OVCH1: variants seen among roughly 807,000 people sequenced by gnomAD.
OVCH1 encodes ovochymase-1.
A neutral mutation model predicts 138.4 loss-of-function variants in OVCH1; 139 were observed. The ratio of observed to expected loss-of-function variants is 1.00; its 90% CI spans 0.87 to 1.16. The LOEUF (loss-of-function observed/expected upper bound fraction) is 1.16, where lower values mean the gene tolerates loss of function less well. OVCH1 is among the 50% of genes most tolerant of loss of function. The pLI, the probability that OVCH1 is intolerant of heterozygous loss-of-function variation, is 0.00. For synonymous variants in OVCH1, 453 were observed against 467.8 expected (o/e 0.97, Z 0.41); for missense variants, 1,367 against 1,357.9 (o/e 1.01, Z -0.11).
At chr12:29,487,620 C>T in intron 7 of OVCH1, 73 bp downstream of exon 7, 3 of 1,375,214 alleles carry the variant, frequency 2.2e-6, no homozygotes, top group Non-Finnish European at 3.0e-6. Context: ...AAGCTTAGTT[C>T]TGATAATATC....
chr12:29,475,974 TA>T (rs1942694092), intron 13 of OVCH1, among the ~76,000 whole-genome samples: 1 of 152,216 alleles, frequency 6.6e-6, no homozygotes, highest in Non-Finnish European at 1.5e-5. Flanking sequence ...CTTTTCACCT[TA>T]CATGCAGTCT....
intron 8 of OVCH1, among the ~76,000 whole-genome samples, chr12:29,480,395 G>C (rs1480126756): frequency 2.0e-5 from 3 of 152,066 alleles, no homozygotes; most frequent in Admixed American, 6.6e-5. Flanking sequence ...GACTTCAAAG[G>C]CCAGTACTTT....
chr12:29,456,743 T>A (rs1171043526), intron 19 of OVCH1, among the ~76,000 whole-genome samples: 1 of 152,220 alleles, frequency 6.6e-6, no homozygotes, highest in East Asian at 1.9e-4. Context: ...TGCATCTGAT[T>A]CAACTTTGTA....
At chr12:29,486,331 G>T (rs758473355) in exon 8 of OVCH1, 9 of 1,613,478 alleles carry the variant, frequency 5.6e-6, no homozygotes, top group African/African-American at 1.3e-5. Context: ...TTTGAGAGGG[G>T]TTGGCCCCGA....
intron 7 of OVCH1, chr12:29,486,848 G>T: frequency 2.2e-6 from 1 of 450,886 alleles, no homozygotes. Flanking sequence ...ATTTACATTT[G>T]TTCAGGGCTT....
intron 27 of OVCH1, among the ~76,000 whole-genome samples, chr12:29,428,993 G>C (rs1941224469): frequency 6.6e-6 from 1 of 152,164 alleles, no homozygotes; most frequent in Admixed American, 6.5e-5. Flanking sequence ...TGGTAGACAG[G>C]TGCCTCTCAT....
intron 22 of OVCH1, among the ~76,000 whole-genome samples, chr12:29,446,187 T>TC (rs1941609691): frequency 6.6e-6 from 1 of 152,116 alleles, no homozygotes; most frequent in Admixed American, 6.6e-5. Context: ...TTTATTTTTT[T>TC]CACTACTGAA....
downstream of OVCH1, among the ~76,000 whole-genome samples, chr12:29,412,136 C>T (rs746215844): frequency 2.6e-4 from 40 of 152,060 alleles, no homozygotes; most frequent in Non-Finnish European, 3.8e-4. Context: ...TCTCCTGGTG[C>T]GCCGTTTTTT....
intron 26 of OVCH1, among the ~76,000 whole-genome samples, chr12:29,434,718 A>AC (rs1415108982): frequency 5.2e-5 from 5 of 95,586 alleles, no homozygotes; most frequent in Non-Finnish European, 1.0e-4. Flanking sequence ...CCCAACAACA[A>AC]AAAAAAACCT....
At chr12:29,495,771 T>A (rs751373376) in intron 3 of OVCH1, among the ~76,000 whole-genome samples, 2 of 152,320 alleles carry the variant, frequency 1.3e-5, no homozygotes, top group Non-Finnish European at 2.9e-5. Flanking sequence ...TTTCTAGAAC[T>A]GTTCCTTCTT....
chr12:29,445,328 G>T lies in OVCH1; in HGVS notation c.2831C>A (p.Ala944Asp), dbSNP rs552476710. The T allele has an allele frequency of 9.9e-6, 16 of 1,611,670 alleles. No homozygotes were observed. The highest frequency in any genetic ancestry group is 8.8e-5 in the South Asian group (8 of 91,020). ...TATACCAAATGCACCTCGTACAAGG[G>T]CATGGAATGTCACCCTCACCAGCGG... The change falls in exon 23 of 28, where the codon GCC (alanine) becomes GAC (aspartate). Residue 944 changes from alanine to aspartate, a missense_variant. Transcript: ENST00000318184.
chr12:29,469,664 G>T (rs1399590660), intron 16 of OVCH1, among the ~76,000 whole-genome samples: 1 of 151,906 alleles, frequency 6.6e-6, no homozygotes, highest in East Asian at 1.9e-4. Context: ...AGGATTGCTT[G>T]AGTTCAAGAG....
intron 19 of OVCH1, among the ~76,000 whole-genome samples, chr12:29,456,180 C>T (rs761109012): frequency 6.6e-6 from 1 of 152,164 alleles, no homozygotes; most frequent in Non-Finnish European, 1.5e-5. Flanking sequence ...TGACCTGTCC[C>T]ATTTCACACA....
intron 22 of OVCH1, among the ~76,000 whole-genome samples, chr12:29,450,690 C>G (rs1941762992): frequency 6.6e-6 from 1 of 152,158 alleles, no homozygotes; most frequent in South Asian, 2.1e-4. Context: ...GATTATAAAT[C>G]ATTCTGCTAT....
intron 8 of OVCH1, among the ~76,000 whole-genome samples, chr12:29,484,338 G>T (rs553396180): frequency 6.6e-6 from 1 of 152,052 alleles, no homozygotes; most frequent in African/African-American, 2.4e-5. Flanking sequence ...ATTACCAGAC[G>T]CTGTTAGTAT....
Position 29,473,832 on chromosome 12 carries a change from G to T in OVCH1, c.1601-729C>A, listed in dbSNP as rs906800444. Among the ~76,000 whole-genome samples, 3 of 151,956 alleles carry T rather than the reference G, an allele frequency of 2.0e-5. No individual in the cohort carries two copies. In the East Asian group the frequency reaches 5.8e-4, roughly 29 times the overall value. ...AGGCAGATCCACCCTTAATCTGGTG[G>T]GCACAATCTAATCAGCTTCCAGCTA... On this transcript the variant is annotated intron_variant, in intron 14 of 27. Coordinates refer to ENST00000318184, the Ensembl canonical transcript of OVCH1.
chr12:29,402,629 A>G, the OVCH1 span, among the ~76,000 whole-genome samples: 1 of 152,066 alleles, frequency 6.6e-6, no homozygotes, highest in African/African-American at 2.4e-5. Flanking sequence ...GGAAGAGTAT[A>G]AGAGATTGGG....
chr12:29,493,821 ATTG>A (rs573612437), intron 4 of OVCH1, among the ~76,000 whole-genome samples: 108 of 152,150 alleles, frequency 7.1e-4, no homozygotes, highest in African/African-American at 2.6e-3. Flanking sequence ...TCTGATTCTG[ATTG>A]TTAATTCTTC....
intron 8 of OVCH1, among the ~76,000 whole-genome samples, chr12:29,482,110 T>C (rs1345843915): frequency 6.6e-6 from 1 of 152,200 alleles, no homozygotes; most frequent in African/African-American, 2.4e-5. Flanking sequence ...TTCAAAATCC[T>C]CCAATGGCTC....
Sources: allele counts gnomAD v4.1 joint callset (sites outside exome capture counted in the v4.1 genomes callset), GRCh38; gene constraint gnomAD v4.1.1; transcripts MANE v1.5; gene names NCBI Gene and HGNC (gene_info 2026-07-23, HGNC 2026-07-21).